Variants in CNTNAP4 observed in about 807,000 individuals in gnomAD.
CNTNAP4 encodes contactin-associated protein-like 4.
CNTNAP4 carries 98 observed loss-of-function variants against 148.4 expected under a neutral mutation model. That is an observed-to-expected ratio of 0.66 (90% confidence interval 0.56 to 0.78). CNTNAP4 has a LOEUF of 0.78. Ranked by LOEUF, CNTNAP4 falls within the 30% of genes least tolerant of loss-of-function variation. The probability of loss-of-function intolerance (pLI) is 0.00; values close to 1 mark genes in which losing one functional copy is unlikely to be tolerated. For missense variants in CNTNAP4, 1,935 were observed against 1,565.6 expected (o/e 1.24, Z -3.98); for synonymous variants, 730 against 565.1 (o/e 1.29, Z -4.14).
chr16:76,387,537 T>C (rs936229109), intron 3 of CNTNAP4, among the ~76,000 whole-genome samples: 6 of 152,188 alleles, frequency 3.9e-5, no homozygotes, highest in Admixed American at 3.3e-4. Context: ...TACTAAGTAA[T>C]AGCTTGGTAT....
intron 8 of CNTNAP4, among the ~76,000 whole-genome samples, chr16:76,453,259 G>A (rs1052317984): frequency 6.6e-6 from 1 of 152,192 alleles, no homozygotes; most frequent in Non-Finnish European, 1.5e-5. Context: ...GATGTCTTAT[G>A]TAAAGAGTTG....
intron 3 of CNTNAP4, among the ~76,000 whole-genome samples, chr16:76,400,578 G>C (rs964138297): frequency 1.3e-5 from 2 of 152,060 alleles, no homozygotes; most frequent in Non-Finnish European, 2.9e-5. Flanking sequence ...ATTTTGTCGT[G>C]ATTGCTTTCA....
rs574560051 is a variant in CNTNAP4, at chr16:76,325,679, TA to T, written c.196+9159del. On this transcript the variant is annotated intron_variant, in intron 2 of 23. Coordinates refer to ENST00000611870, the MANE Select transcript of CNTNAP4 (RefSeq NM_033401.5). ...ACAAATATGACAAAAGAAAAAAGGT[TA>T]AATATGAATGATTTTTCCATGCATT... 3.3e-3 allele frequency among the ~76,000 whole-genome samples: 496 copies of T among 152,194 alleles called. 2 individuals are homozygous for T. Among genetic ancestry groups the T allele is most frequent in the African/African-American group, 0.011 (477 of 41,546 alleles).
At chr16:76,433,205 G>A (rs1488133829) in intron 4 of CNTNAP4, among the ~76,000 whole-genome samples, 1 of 152,018 alleles carries the variant, frequency 6.6e-6, no homozygotes, top group Non-Finnish European at 1.5e-5. Context: ...AATGAATGGG[G>A]GCAAGCTTAG....
chr16:76,447,863 G>T (rs148649910), intron 4 of CNTNAP4, 149 bp from the exon 5 acceptor site: 14,241 of 610,990 alleles, frequency 0.023, 226 homozygotes, highest in South Asian at 0.064. Flanking sequence ...GGGTTTATCA[G>T]GATATAACTC....
At chr16:76,288,288 G>A (rs770699967) in intron 1 of CNTNAP4, among the ~76,000 whole-genome samples, 48 of 152,214 alleles carry the variant, frequency 3.2e-4, no homozygotes, top group Non-Finnish European at 5.3e-4. Context: ...ATGCAGAACA[G>A]TGAGTCAATT....
intron 12 of CNTNAP4, among the ~76,000 whole-genome samples, chr16:76,485,199 C>T (rs2081986200): frequency 6.6e-6 from 1 of 152,132 alleles, no homozygotes. Context: ...CTGGTCTAAA[C>T]CTCCGCCTCC....
chr16:76,293,607 A>G (rs1427837954), intron 1 of CNTNAP4, among the ~76,000 whole-genome samples: 2 of 152,064 alleles, frequency 1.3e-5, no homozygotes, highest in African/African-American at 4.8e-5. Context: ...TGTATAATCA[A>G]TTTTTAGGTG....
chr16:76,459,633 T>G (rs1164525840), intron 8 of CNTNAP4, among the ~76,000 whole-genome samples: 1 of 152,236 alleles, frequency 6.6e-6, no homozygotes, highest in African/African-American at 2.4e-5. Context: ...ATCACATATT[T>G]ATGTAAACTT....
chr16:76,439,838 A>G (rs1029916554), intron 4 of CNTNAP4, among the ~76,000 whole-genome samples: 6 of 152,138 alleles, frequency 3.9e-5, no homozygotes, highest in Non-Finnish European at 8.8e-5. Context: ...CTGTTATGCT[A>G]CCATGCAAAA....
chr16:76,311,983 T>C (rs1357016424), intron 1 of CNTNAP4, among the ~76,000 whole-genome samples: 1 of 152,244 alleles, frequency 6.6e-6, no homozygotes, highest in Non-Finnish European at 1.5e-5. Flanking sequence ...TAAATGCCTG[T>C]ATACTCACGT....
At chr16:76,555,730 A>G (rs1401666075) in intron 23 of CNTNAP4, among the ~76,000 whole-genome samples, 1 of 152,244 alleles carries the variant, frequency 6.6e-6, no homozygotes, top group African/African-American at 2.4e-5. Context: ...AAGTTATTCT[A>G]GAATAGAAAC....
intron 1 of CNTNAP4, among the ~76,000 whole-genome samples, chr16:76,312,647 G>T (rs1961256349): frequency 6.6e-6 from 1 of 152,112 alleles, no homozygotes; most frequent in Non-Finnish European, 1.5e-5. Flanking sequence ...CTATTATGGT[G>T]TCTGATGGAA....
At chr16:76,491,341 C>T (rs945104725) in intron 13 of CNTNAP4, among the ~76,000 whole-genome samples, 14 of 152,168 alleles carry the variant, frequency 9.2e-5, no homozygotes, top group Admixed American at 7.2e-4. Context: ...TGGCTAGGTG[C>T]ATCTAGAACA....
intron 9 of CNTNAP4, among the ~76,000 whole-genome samples, chr16:76,462,684 G>A (rs972736115): frequency 2.6e-5 from 4 of 152,162 alleles, no homozygotes; most frequent in Non-Finnish European, 5.9e-5. Flanking sequence ...CCCAGTGGAT[G>A]TTTGTTTGAA....
chr16:76,309,920 A>T (rs757211724), intron 1 of CNTNAP4: 39 of 701,634 alleles, frequency 5.6e-5, no homozygotes, highest in Non-Finnish European at 8.3e-5. Flanking sequence ...AGTCCGGTTA[A>T]GTCTCTTTTT....
At chr16:76,387,077 C>T (rs2016575301) in intron 3 of CNTNAP4, among the ~76,000 whole-genome samples, 1 of 152,124 alleles carries the variant, frequency 6.6e-6, no homozygotes, top group African/African-American at 2.4e-5. Flanking sequence ...CTGCTGACAT[C>T]TTGATTTCAG....
chr16:76,314,233 C>CTTTG (rs1339240248), intron 1 of CNTNAP4, among the ~76,000 whole-genome samples: 1 of 152,062 alleles, frequency 6.6e-6, no homozygotes, highest in Non-Finnish European at 1.5e-5. Flanking sequence ...TTGACTATGC[C>CTTTG]ACTATTACCA....
rs188838048 is a variant in CNTNAP4 at position 76,281,098 on chromosome 16, C to T, written c.85+3351C>T. On this transcript the variant is annotated intron_variant, in intron 1 of 23. Coordinates refer to ENST00000611870, the MANE Select transcript of CNTNAP4 (RefSeq NM_033401.5). Reference sequence around the variant, plus strand: ...TATCTGATACCTACCCTAAAAGAAGCACTGAAGGATAGATGAAGGCAAATT... The same window carrying T: ...TATCTGATACCTACCCTAAAAGAAGTACTGAAGGATAGATGAAGGCAAATT... 4.3e-3 allele frequency among the ~76,000 whole-genome samples: 652 copies of T among 152,198 alleles called. 5 individuals are homozygous for T. The highest frequency in any genetic ancestry group is 0.014 in the African/African-American group (574 of 41,556).
Sources: gnomAD v4.1 joint callset for allele counts (sites outside exome capture counted in the v4.1 genomes callset) on GRCh38, gnomAD v4.1.1 for gene constraint, MANE v1.5 for transcripts, NCBI Gene and HGNC (gene_info 2026-07-23, HGNC 2026-07-21) for gene names.